GSK3B: variants seen among roughly 807,000 people sequenced by gnomAD.
GSK3B encodes the protein glycogen synthase kinase 3 beta.
In GSK3B, 15 loss-of-function variants were observed where a neutral mutation model predicts 56.4. That is an observed-to-expected ratio of 0.27 (90% CI 0.18 to 0.41). GSK3B has a LOEUF of 0.41. Among genes scored for constraint, GSK3B ranks in the 10% least tolerant of loss-of-function variants. The pLI, the probability that GSK3B is intolerant of heterozygous loss-of-function variation, is 1.00. For synonymous variants in GSK3B, 181 were observed against 188.9 expected, an observed-to-expected ratio of 0.96 and a Z score of 0.34; for missense variants, 300 against 513.4, an observed-to-expected ratio of 0.58 and a Z score of 4.02.
At chr3:120,028,308 C>G (rs549433826) in intron 1 of GSK3B, among the ~76,000 whole-genome samples, 4 of 152,242 alleles carry the variant, frequency 2.6e-5, no homozygotes, top group African/African-American at 9.6e-5. Context: ...AATGAAGAGG[C>G]CAGCCTGGAG....
At chr3:119,864,780 T>A (rs2056155330) in intron 8 of GSK3B, among the ~76,000 whole-genome samples, 1 of 152,246 alleles carries the variant, frequency 6.6e-6, no homozygotes, top group East Asian at 1.9e-4. Flanking sequence ...AGAGATTATT[T>A]ATGAGTGCTG....
intron 1 of GSK3B, among the ~76,000 whole-genome samples, chr3:120,015,720 A>T (rs1036781391): frequency 2.0e-5 from 3 of 149,984 alleles, no homozygotes; most frequent in African/African-American, 7.3e-5. Flanking sequence ...CATGTGCACT[A>T]GGTTCAGCAC....
rs555574494 is a variant in GSK3B, at chr3:119,988,282, C to T, written c.282+13764G>A. Among the ~76,000 whole-genome samples the T allele has an allele frequency of 3.6e-4, 55 of 152,126 alleles. 1 individual carries two copies. Among genetic ancestry groups the T allele is most frequent in the Admixed American group, 3.3e-4 (5 of 15,270 alleles). Reference sequence around the variant, plus strand: ...AATCCTTTGTTTTGCTTTTCAAAGTCAAAGAAATTTTTCTTTTGAGCTATT... The same window carrying T: ...AATCCTTTGTTTTGCTTTTCAAAGTTAAAGAAATTTTTCTTTTGAGCTATT... On this transcript the variant is annotated intron_variant, in intron 2 of 10. Coordinates refer to ENST00000264235, the MANE Select transcript of GSK3B (RefSeq NM_001146156.2).
intron 2 of GSK3B, among the ~76,000 whole-genome samples, chr3:120,000,949 G>C (rs551663504): frequency 1.9e-5 from 2 of 106,944 alleles, no homozygotes; most frequent in Admixed American, 2.6e-4. Context: ...TTTTGAGACA[G>C]AGTCTCACTC....
intron 3 of GSK3B, among the ~76,000 whole-genome samples, chr3:119,930,057 C>T (rs562365277): frequency 6.2e-5 from 9 of 144,634 alleles, no homozygotes; most frequent in African/African-American, 1.1e-4. Flanking sequence ...CCAGCCTGGA[C>T]GACACAGTGA....
At chr3:120,062,923 G>GT (rs1421490133) in intron 1 of GSK3B, among the ~76,000 whole-genome samples, 1 of 152,114 alleles carries the variant, frequency 6.6e-6, no homozygotes, top group Non-Finnish European at 1.5e-5. Context: ...TTACAATACT[G>GT]TAAGATTTAG....
At chr3:120,004,586 A>G (rs1186689981) in intron 1 of GSK3B, among the ~76,000 whole-genome samples, 1 of 152,204 alleles carries the variant, frequency 6.6e-6, no homozygotes, top group Non-Finnish European at 1.5e-5. Context: ...ATCAGGCAGC[A>G]ATATCTGCTG....
intron 6 of GSK3B, among the ~76,000 whole-genome samples, chr3:119,907,497 A>T (rs1422303481): frequency 6.6e-6 from 1 of 152,114 alleles, no homozygotes. Flanking sequence ...CTTATCAATC[A>T]CTTTCTGGAG....
chr3:120,059,805 T>C (rs1559895490), intron 1 of GSK3B, among the ~76,000 whole-genome samples: 1 of 152,218 alleles, frequency 6.6e-6, no homozygotes, highest in Non-Finnish European at 1.5e-5. Flanking sequence ...AATTCCAACC[T>C]GCCTATAAAT....
At chr3:120,027,969 T>A (rs2057941932) in intron 1 of GSK3B, among the ~76,000 whole-genome samples, 1 of 152,232 alleles carries the variant, frequency 6.6e-6, no homozygotes, top group Non-Finnish European at 1.5e-5. Flanking sequence ...AAATCCAATA[T>A]GCTTATAGAA....
At chr3:119,930,080 T>TACACACACAC (rs71619762) in intron 3 of GSK3B, among the ~76,000 whole-genome samples, 2,652 of 133,526 alleles carry the variant, frequency 0.02, 66 homozygotes, top group African/African-American at 0.056. Flanking sequence ...TTCTGTCTCC[T>TACACACACAC]ACACACACAC....
At chr3:120,046,107 G>A (rs1022665751) in intron 1 of GSK3B, among the ~76,000 whole-genome samples, 1 of 152,010 alleles carries the variant, frequency 6.6e-6, no homozygotes, top group African/African-American at 2.4e-5. Context: ...ATGGGAGGAG[G>A]GGGATGAGAA....
chr3:119,941,650 C>T lies in GSK3B; in HGVS notation c.366+5618G>A, dbSNP rs114939321. Reference sequence around the variant, plus strand: ...AGGACAATGTTTGACATATAAAAAGCGCAATATATATTTGCTATTAATAAA... The same window carrying T: ...AGGACAATGTTTGACATATAAAAAGTGCAATATATATTTGCTATTAATAAA... On this transcript the variant is annotated intron_variant, in intron 3 of 10. Coordinates refer to ENST00000264235, the MANE Select transcript of GSK3B (RefSeq NM_001146156.2). Among the ~76,000 whole-genome samples the T allele has an allele frequency of 3.0e-3, 450 of 152,034 alleles. 3 individuals are homozygous for T. Among genetic ancestry groups the T allele is most frequent in the Admixed American group, 4.8e-3 (73 of 15,278 alleles).
chr3:119,850,988 A>G lies in GSK3B; in HGVS notation c.1097-7635T>C, dbSNP rs147502713. On this transcript the variant is annotated intron_variant, in intron 9 of 10. Coordinates refer to ENST00000264235, the MANE Select transcript of GSK3B (RefSeq NM_001146156.2). ...ACATGGTTTAAAACAAAACGGCAAG[A>G]AATTCCAGAAAACTTTAGAAAAATT... Among the ~76,000 whole-genome samples, 643 of 152,298 alleles carry G rather than the reference A, an allele frequency of 4.2e-3. 1 individual carries two copies. The highest frequency in any genetic ancestry group is 0.015 in the African/African-American group (607 of 41,560).
At chr3:119,962,886 C>T (rs1381935496) in intron 2 of GSK3B, among the ~76,000 whole-genome samples, 1 of 152,116 alleles carries the variant, frequency 6.6e-6, no homozygotes, top group Non-Finnish European at 1.5e-5. Flanking sequence ...CAATAGGGTT[C>T]ATGTTCCTAT....
At chr3:120,002,809 A>C (rs1028922957) in intron 1 of GSK3B, among the ~76,000 whole-genome samples, 4 of 152,206 alleles carry the variant, frequency 2.6e-5, no homozygotes, top group Non-Finnish European at 5.9e-5. Flanking sequence ...CTGTTCCCAT[A>C]TTATAGGTAA....
intron 1 of GSK3B, among the ~76,000 whole-genome samples, chr3:120,003,423 C>T (rs930812571): frequency 1.3e-5 from 2 of 152,220 alleles, no homozygotes; most frequent in African/African-American, 2.4e-5. Flanking sequence ...AAAATGTCTA[C>T]TGTTTCTTCT....
intron 3 of GSK3B, among the ~76,000 whole-genome samples, chr3:119,931,849 T>A (rs555369686): frequency 6.6e-6 from 1 of 152,226 alleles, no homozygotes; most frequent in East Asian, 1.9e-4. Flanking sequence ...AAAAATTACA[T>A]AATGTATAAT....
chr3:119,950,756 A>T (rs2057149527), intron 2 of GSK3B, among the ~76,000 whole-genome samples: 2 of 152,236 alleles, frequency 1.3e-5, no homozygotes, highest in African/African-American at 4.8e-5. Flanking sequence ...AAAGGCAACA[A>T]CAAATTGAGA....
Sources: gnomAD v4.1 joint callset for allele counts (sites outside exome capture counted in the v4.1 genomes callset) on GRCh38, gnomAD v4.1.1 for gene constraint, MANE v1.5 for transcripts, NCBI Gene and HGNC (gene_info 2026-07-23, HGNC 2026-07-21) for gene names.